NBEAL1: variants seen among roughly 807,000 people sequenced by gnomAD.
NBEAL1 encodes the protein neurobeachin-like protein 1.
In NBEAL1, 273 loss-of-function variants were observed where a neutral mutation model predicts 351.3. The ratio of observed to expected loss-of-function variants is 0.78; its 90% CI spans 0.70 to 0.86. NBEAL1 has a LOEUF of 0.86. NBEAL1 is among the 40% of genes least tolerant of loss of function. NBEAL1 has a pLI of 0.00. For missense variants in NBEAL1, 2,961 were observed against 3,201.3 expected (o/e 0.92, Z 1.81); for synonymous variants, 1,050 against 1,086.4 (o/e 0.97, Z 0.66).
At chr2:203,065,035 A>C (rs2061558304) in intron 6 of NBEAL1, among the ~76,000 whole-genome samples, 1 of 152,070 alleles carries the variant, frequency 6.6e-6, no homozygotes, top group African/African-American at 2.4e-5. Context: ...AGGTAGGAGG[A>C]TCACTTAAAC....
At chr2:203,060,214 G>A (rs1238109064) in intron 6 of NBEAL1, among the ~76,000 whole-genome samples, 2 of 152,146 alleles carry the variant, frequency 1.3e-5, no homozygotes, top group Admixed American at 1.3e-4. Flanking sequence ...AAGATGGGGA[G>A]AGAAGATTTA....
At chr2:203,083,068 C>T in intron 8 of NBEAL1, 151 bp from the exon 9 acceptor site, 1 of 655,502 alleles carries the variant, frequency 1.5e-6, no homozygotes, top group Non-Finnish European at 2.6e-6. Flanking sequence ...ATGTATGAAC[C>T]ACTAGCAGTG....
intron 6 of NBEAL1, among the ~76,000 whole-genome samples, chr2:203,063,537 AAGG>A (rs1286531930): frequency 1.3e-5 from 2 of 151,866 alleles, no homozygotes; most frequent in Admixed American, 1.3e-4. Context: ...CGAGGGAAGG[AAGG>A]AGAAGAGAAG....
At chr2:203,192,791 C>T (rs2065127731) in intron 46 of NBEAL1, among the ~76,000 whole-genome samples, 1 of 151,894 alleles carries the variant, frequency 6.6e-6, no homozygotes, top group African/African-American at 2.4e-5. Context: ...TCTGTTTTGC[C>T]TTTTAACTGT....
At chr2:203,142,780 C>CT (rs1427000808) in intron 31 of NBEAL1, among the ~76,000 whole-genome samples, 1 of 151,922 alleles carries the variant, frequency 6.6e-6, no homozygotes, top group Admixed American at 6.6e-5. Flanking sequence ...GATTGTATGA[C>CT]TTTTTTTTCT....
intron 4 of NBEAL1, among the ~76,000 whole-genome samples, chr2:203,051,006 A>G (rs537147841): frequency 6.6e-6 from 1 of 152,334 alleles, no homozygotes; most frequent in East Asian, 1.9e-4. Context: ...ACTTTCTAAA[A>G]CATACATTAT....
intron 18 of NBEAL1, among the ~76,000 whole-genome samples, chr2:203,116,665 C>G (rs937597943): frequency 6.6e-6 from 1 of 151,570 alleles, no homozygotes; most frequent in South Asian, 2.1e-4. Context: ...TGGCATGCGC[C>G]TGTAGTCCCA....
At chr2:203,027,187 A>G (rs773566557) in intron 2 of NBEAL1, among the ~76,000 whole-genome samples, 1 of 152,212 alleles carries the variant, frequency 6.6e-6, no homozygotes, top group Non-Finnish European at 1.5e-5. Context: ...ATCAGAATTC[A>G]GGCAAGGGTT....
In NBEAL1 at chr2:203,077,853, A is replaced by T; in HGVS notation, c.684+16A>T. On this transcript the variant is annotated intron_variant, in intron 8 of 55. Transcript: ENST00000683969. Reference sequence around the variant, plus strand: ...CGGTGGGCAGGTAAGGAAAGTGTTGAAATTTAATAAATAAAATTATAATTA... The same window carrying T: ...CGGTGGGCAGGTAAGGAAAGTGTTGTAATTTAATAAATAAAATTATAATTA... 7.6e-7 allele frequency: 1 copy of T among 1,321,228 alleles called. No homozygotes were observed. The highest frequency in any genetic ancestry group is 1.0e-6 in the Non-Finnish European group (1 of 1,001,342). 81.8% of individuals were successfully genotyped at this position (1,321,228 alleles called of 1,614,324 possible). A position where few individuals can be genotyped will look rare whatever the true frequency, so the allele number is the denominator to read the frequency against.
intron 18 of NBEAL1, among the ~76,000 whole-genome samples, chr2:203,117,394 C>T (rs376373881): frequency 6.6e-5 from 10 of 152,060 alleles, no homozygotes; most frequent in Admixed American, 5.2e-4. Flanking sequence ...ACTGGGGAGG[C>T]GGAGCTTGCA....
At chr2:203,084,441 G>T (rs1480136583) in intron 9 of NBEAL1, 22 bp from the exon 10 acceptor site, 13 of 1,276,716 alleles carry the variant, frequency 1.0e-5, no homozygotes, top group South Asian at 1.6e-5. Context: ...TTACATGGAT[G>T]ATTTTCTTTT....
At position 203,202,651 on chromosome 2, in the gene NBEAL1, G is replaced by A. The variant is rs187757939; in HGVS notation, c.7412-36G>A. The A allele has an allele frequency of 2.9e-4, 349 of 1,202,680 alleles. 6 individuals carry two copies. In the Admixed American group the frequency reaches 5.6e-3, roughly 19 times the overall value. The allele number at this position is 1,202,680 out of a possible 1,614,324, so 74.5% of individuals were successfully genotyped here. A position where few individuals can be genotyped will look rare whatever the true frequency, so the allele number is the denominator to read the frequency against. ...TCTTAAAGTTCTATTTTAGCAAAAC[G>A]AGGCATCTCATTTTATTTAATTCCT... is the stretch of plus-strand genomic sequence containing the variant. On this transcript the variant is annotated intron_variant, in intron 50 of 55. Coordinates refer to ENST00000683969, the MANE Select transcript of NBEAL1 (RefSeq NM_001378026.1).
chr2:203,117,901 C>G (rs1282878959), intron 18 of NBEAL1, among the ~76,000 whole-genome samples: 1 of 151,440 alleles, frequency 6.6e-6, no homozygotes, highest in Non-Finnish European at 1.5e-5. Context: ...GTTGCCCAGG[C>G]TAGTCTTGAA....
At chr2:203,097,733 A>G in intron 11 of NBEAL1, 100 bp downstream of exon 11, 1 of 263,630 alleles carries the variant, frequency 3.8e-6, no homozygotes. Flanking sequence ...AAATACACAA[A>G]CATTGTCAAA....
intron 18 of NBEAL1, among the ~76,000 whole-genome samples, chr2:203,121,816 C>T (rs1459489887): frequency 2.0e-5 from 3 of 151,926 alleles, no homozygotes; most frequent in South Asian, 4.2e-4. Context: ...GACAGAGTCT[C>T]ACTCTGTCAC....
chr2:203,138,529 T>C (rs930882227), intron 30 of NBEAL1, 91 bp from the exon 31 acceptor site: 34 of 1,308,998 alleles, frequency 2.6e-5, no homozygotes, highest in Non-Finnish European at 3.2e-5. Context: ...TTTGAAATAT[T>C]TGTGGTTTGT....
At chr2:203,046,465 C>T (rs753786407) in intron 3 of NBEAL1, among the ~76,000 whole-genome samples, 5 of 152,056 alleles carry the variant, frequency 3.3e-5, no homozygotes, top group Non-Finnish European at 5.9e-5. Flanking sequence ...GTGATCCACC[C>T]GCCTCGGCCT....
rs151000588 is a variant in NBEAL1, at chr2:203,108,097, G to T, written c.1858G>T (p.Ala620Ser). 2.0e-3 allele frequency: 3,034 copies of T among 1,552,116 alleles called. 5 individuals carry two copies. The highest frequency in any genetic ancestry group is 2.4e-3 in the Non-Finnish European group (2,760 of 1,147,100). ...TCCCATACAGAAATGGCCAGGGTCTGCCTTTTCTTTCAGTGCTTGGTTTTG... is the reference window on the plus strand; with the variant it reads ...TCCCATACAGAAATGGCCAGGGTCTTCCTTTTCTTTCAGTGCTTGGTTTTG... ...VPPIQKWPGSAFSFSAWFCLD... is the reference protein window; with the variant it reads ...VPPIQKWPGSSFSFSAWFCLD... Residue 620 changes from alanine (A) to serine (S), a missense_variant, in exon 14 of 56, where the codon GCC becomes TCC. Ala to Ser is a moderately conservative substitution (Grantham distance 99). Coordinates refer to ENST00000683969, the MANE Select transcript of NBEAL1 (RefSeq NM_001378026.1).
At chr2:203,074,197 A>T (rs560593527) in intron 7 of NBEAL1, among the ~76,000 whole-genome samples, 14 of 152,146 alleles carry the variant, frequency 9.2e-5, no homozygotes, top group Non-Finnish European at 1.5e-4. Flanking sequence ...CATGTTGTTC[A>T]CCATAAATAT....
Sources: allele counts gnomAD v4.1 joint callset (sites outside exome capture counted in the v4.1 genomes callset), GRCh38; gene constraint gnomAD v4.1.1; transcripts MANE v1.5; gene names NCBI Gene and HGNC (gene_info 2026-07-23, HGNC 2026-07-21).